Variants in RCC1L observed in about 807,000 individuals in gnomAD.
The protein encoded by RCC1L is RCC1-like G exchanging factor-like protein.
In RCC1L, 46 loss-of-function variants were observed where a neutral mutation model predicts 58.6. The ratio of observed to expected loss-of-function variants is 0.79; its 90% CI spans 0.62 to 1.00. The LOEUF (loss-of-function observed/expected upper bound fraction) is 1.00, where lower values mean the gene tolerates loss of function less well. Among genes scored for constraint, RCC1L ranks in the 50% least tolerant of loss-of-function variants. The probability of loss-of-function intolerance (pLI) is 0.00; values close to 1 mark genes in which losing one functional copy is unlikely to be tolerated. For synonymous variants in RCC1L, 281 were observed against 262.9 expected, an observed-to-expected ratio of 1.07 and a Z score of -0.67; for missense variants, 636 against 623.6, an observed-to-expected ratio of 1.02 and a Z score of -0.21.
intron 10 of RCC1L, among the ~76,000 whole-genome samples, chr7:75,050,521 C>T (rs1805871189): frequency 6.6e-6 from 1 of 152,084 alleles, no homozygotes. Flanking sequence ...GGGGGCAGAC[C>T]CTCGTCAGCG....
chr7:75,041,847 A>G (rs1805576181), downstream of RCC1L, among the ~76,000 whole-genome samples: 1 of 150,546 alleles, frequency 6.6e-6, no homozygotes, highest in African/African-American at 2.5e-5. Context: ...CTGGGCAACA[A>G]AGCAAGACTC....
At chr7:75,070,504 G>C in intron 2 of RCC1L, 136 bp downstream of exon 2, 1 of 1,166,904 alleles carries the variant, frequency 8.6e-7, no homozygotes, top group Non-Finnish European at 1.2e-6. Context: ...CCGGGAGGTG[G>C]AGGTTGCAGT....
In RCC1L at chr7:75,058,776, C is replaced by A; in HGVS notation, c.788-7G>T. 2 of 1,613,938 alleles carry A rather than the reference C, an allele frequency of 1.2e-6. No homozygotes were observed. Among genetic ancestry groups the A allele is most frequent in the Non-Finnish European group, 8.5e-7 (1 of 1,179,832 alleles). ...ATATTGTAGTGACCCAGACCTAACA[C>A]AGTGGAAAATACAGATTTTTAATTA... On this transcript the variant is annotated splice_polypyrimidine_tract_variant and splice_region_variant and intron_variant, in intron 6 of 10. Coordinates refer to ENST00000610322, the MANE Select transcript of RCC1L (RefSeq NM_030798.5).
At chr7:75,050,599 C>T (rs963362377) in intron 10 of RCC1L, among the ~76,000 whole-genome samples, 181 of 152,242 alleles carry the variant, frequency 1.2e-3, no homozygotes, top group African/African-American at 3.9e-3. Context: ...AAGTCCTTTT[C>T]GAAAGAAAGG....
In RCC1L at chr7:75,070,496, G is replaced by A. The variant is rs587770299; in HGVS notation, c.454+144C>T. The A allele has an allele frequency of 2.7e-5, 29 of 1,071,780 alleles. No individual in the cohort carries two copies. In the South Asian group the frequency reaches 3.6e-4, roughly 13 times the overall value. 66.4% of individuals were successfully genotyped at this position (1,071,780 alleles called of 1,614,324 possible). A position where few individuals can be genotyped will look rare whatever the true frequency, so the allele number is the denominator to read the frequency against. On this transcript the variant is annotated intron_variant, in intron 2 of 10. Transcript: ENST00000610322. ...TGAGGCAGGAGAATCACTTGAACCCGGGAGGTGGAGGTTGCAGTGAGCCAG... is the reference window on the plus strand; with the variant it reads ...TGAGGCAGGAGAATCACTTGAACCCAGGAGGTGGAGGTTGCAGTGAGCCAG...
At chr7:75,072,759 C>T (rs1346102856) in intron 1 of RCC1L, among the ~76,000 whole-genome samples, 1 of 152,102 alleles carries the variant, frequency 6.6e-6, no homozygotes, top group Non-Finnish European at 1.5e-5. Flanking sequence ...GCGGGCGGAT[C>T]GCTTGAGTTC....
At chr7:75,061,099 G>A (rs990673724) in intron 6 of RCC1L, 108 bp downstream of exon 6, 35 of 913,174 alleles carry the variant, frequency 3.8e-5, no homozygotes, top group Non-Finnish European at 6.1e-5. Flanking sequence ...AGAGGTAAGA[G>A]CTGAATTAAG....
chr7:75,052,620 T>TC, intron 10 of RCC1L, 91 bp downstream of exon 10: 6 of 1,248,918 alleles, frequency 4.8e-6, no homozygotes, highest in Non-Finnish European at 5.7e-6. Flanking sequence ...ATGGCCCTCG[T>TC]CCTGGCCCAT....
Position 75,052,785 on chromosome 7 carries a change from G to C in RCC1L, c.1243C>G (p.Leu415Val), listed in dbSNP as rs990221547. ...HFAALTNKGELFVWGKNIRGC... is the reference protein window; with the variant it reads ...HFAALTNKGEVFVWGKNIRGC... ...CGGATGTTCTTGCCCCATACAAACA[G>C]CTCTCCTTTGTCTGCAAAGGGAGGA... The change falls in exon 10 of 11, where the codon CTG becomes GTG. Residue 415 changes from leucine to valine, a missense_variant. Coordinates refer to ENST00000610322, the MANE Select transcript of RCC1L (RefSeq NM_030798.5). 1 of 1,612,936 alleles carries C rather than the reference G, an allele frequency of 6.2e-7. No homozygotes were observed. The highest frequency in any genetic ancestry group is 1.1e-5 in the South Asian group (1 of 90,712).
At chr7:75,066,582 C>T in intron 3 of RCC1L, 82 bp downstream of exon 3, 1 of 1,585,402 alleles carries the variant, frequency 6.3e-7, no homozygotes, top group South Asian at 1.1e-5. Flanking sequence ...ATCGATCAAG[C>T]CACTCAGGCC....
chr7:75,070,869 T>A, intron 1 of RCC1L, 100 bp from the exon 2 acceptor site: 1 of 1,493,314 alleles, frequency 6.7e-7, no homozygotes, highest in African/African-American at 1.4e-5. Flanking sequence ...CACATACTAT[T>A]TACGGGGGTT....
downstream of RCC1L, chr7:75,042,153 A>T: frequency 1.0e-6 from 1 of 982,992 alleles, no homozygotes; most frequent in Non-Finnish European, 1.2e-6. Context: ...CTAAATGATC[A>T]AGTAAGATTT....
At chr7:75,065,621 C>T (rs1475183859) in intron 3 of RCC1L, among the ~76,000 whole-genome samples, 3 of 152,060 alleles carry the variant, frequency 2.0e-5, no homozygotes, top group Non-Finnish European at 4.4e-5. Context: ...GGAAAAACCC[C>T]GTTTCTAAAA....
chr7:75,032,691 CACCCTGA>C (rs1477075628), intron 10 of RCC1L, among the ~76,000 whole-genome samples: 2 of 152,134 alleles, frequency 1.3e-5, no homozygotes. Flanking sequence ...ATTCTTCCAT[CACCCTGA>C]GCCCAAGAGA....
chr7:75,033,071 CAAAAAAAAAAAAA>C (rs71098024), intron 10 of RCC1L, among the ~76,000 whole-genome samples: 1 of 70,138 alleles, frequency 1.4e-5, no homozygotes, highest in African/African-American at 6.1e-5. Flanking sequence ...GACTTTGTCT[CAAAAAAAAAAAAA>C]AAAAAAAAAA....
rs1806520523 is a variant in RCC1L at position 75,067,059 on chromosome 7, T to C, written c.455-267A>G. On this transcript the variant is annotated intron_variant, in intron 2 of 10. Transcript: ENST00000610322. ...GCTCATGCCTGTAATCCCAGCACTTTGGGAGGCCGAAGCGGGCAGATCACC... is the reference window on the plus strand; with the variant it reads ...GCTCATGCCTGTAATCCCAGCACTTCGGGAGGCCGAAGCGGGCAGATCACC... Among the ~76,000 whole-genome samples, 7 of 152,022 alleles carry C rather than the reference T, an allele frequency of 4.6e-5. No individual in the cohort carries two copies. The South Asian group carries it at 1.5e-3, about 32-fold the overall frequency.
Position 75,058,694 on chromosome 7 carries a change from A to G in RCC1L, c.863T>C (p.Val288Ala). The G allele has an allele frequency of 6.2e-7, 1 of 1,613,990 alleles. No individual in the cohort carries two copies. Among genetic ancestry groups the G allele is most frequent in the Non-Finnish European group, 8.5e-7 (1 of 1,179,856 alleles). Residue 288 changes from valine (V) to alanine (A), a missense_variant, in exon 7 of 11, where the codon GTT becomes GCT. By Grantham distance (64) the Val-to-Ala change is moderately conservative. Transcript: ENST00000610322. ...CAGGCAGCAATCACCGTAGGTGGCA[A>G]CTTGGATAACGTTCACTCCCGCCAG... ...GDLAGVNVIQ[V>A]ATYGDCCLAV...
chr7:75,050,146 G>A (rs1805860359), intron 10 of RCC1L, among the ~76,000 whole-genome samples: 4 of 152,198 alleles, frequency 2.6e-5, no homozygotes, highest in Non-Finnish European at 5.9e-5. Context: ...GCCAGGCGTC[G>A]TGGCATGCAC....
intron 10 of RCC1L, among the ~76,000 whole-genome samples, chr7:75,029,217 G>A (rs916597834): frequency 3.3e-5 from 5 of 152,172 alleles, no homozygotes; most frequent in Non-Finnish European, 7.4e-5. Flanking sequence ...ACATTTTCCA[G>A]GGATACCCTG....
Sources: allele counts gnomAD v4.1 joint callset (sites outside exome capture counted in the v4.1 genomes callset), GRCh38; gene constraint gnomAD v4.1.1; transcripts MANE v1.5; gene names NCBI Gene and HGNC (gene_info 2026-07-23, HGNC 2026-07-21).